Variants in INTS4 observed in about 807,000 individuals in gnomAD.
INTS4 encodes the protein MSTP093.
Under a neutral mutation model 119.5 loss-of-function variants are expected in INTS4, and 70 were observed. The ratio of observed to expected loss-of-function variants is 0.59; its 90% CI spans 0.48 to 0.71. The LOEUF is 0.71. INTS4 is among the 30% of genes least tolerant of loss of function. The pLI is 0.00. For missense variants in INTS4, 867 were observed against 1,173.2 expected (o/e 0.74, Z 3.81); for synonymous variants, 316 against 419.6 (o/e 0.75, Z 3.02).
chr11:77,930,558 G>A (rs1953621071), intron 10 of INTS4, among the ~76,000 whole-genome samples: 1 of 152,218 alleles, frequency 6.6e-6, no homozygotes, highest in Non-Finnish European at 1.5e-5. Flanking sequence ...CTTCTGATCA[G>A]AAAGAGATAA....
At chr11:77,892,936 T>C (rs1392905295) in intron 19 of INTS4, among the ~76,000 whole-genome samples, 1 of 152,176 alleles carries the variant, frequency 6.6e-6, no homozygotes, top group Non-Finnish European at 1.5e-5. Context: ...CTAGAGAGTA[T>C]TACCTGCTGG....
intron 4 of INTS4, among the ~76,000 whole-genome samples, chr11:77,967,815 G>A (rs996306481): frequency 9.9e-5 from 15 of 152,248 alleles, no homozygotes; most frequent in African/African-American, 3.1e-4. Flanking sequence ...GACAAAGAAA[G>A]GTTGAGTGAC....
At position 77,955,933 on chromosome 11, in the gene INTS4, A is replaced by G; in HGVS notation, c.918+9T>C. On this transcript the variant is annotated intron_variant, in intron 8 of 22. Coordinates refer to ENST00000534064, the MANE Select transcript of INTS4 (RefSeq NM_033547.4). Reference sequence around the variant, plus strand: ...ATGCATACATACATACATAAAAAGTATAACTTACCAACAGTTTTGCTGCCT... The same window carrying G: ...ATGCATACATACATACATAAAAAGTGTAACTTACCAACAGTTTTGCTGCCT... The G allele has an allele frequency of 6.3e-7, 1 of 1,597,404 alleles. No individual in the cohort carries two copies. Among genetic ancestry groups the G allele is most frequent in the South Asian group, 1.1e-5 (1 of 89,372 alleles).
intron 16 of INTS4, among the ~76,000 whole-genome samples, chr11:77,904,743 TC>T (rs1952889800): frequency 6.6e-6 from 1 of 152,192 alleles, no homozygotes; most frequent in Non-Finnish European, 1.5e-5. Flanking sequence ...TAGATCATAA[TC>T]CCAAAACATA....
chr11:77,882,673 C>T (rs1217253130), intron 22 of INTS4, among the ~76,000 whole-genome samples: 1 of 152,266 alleles, frequency 6.6e-6, no homozygotes, highest in Admixed American at 6.5e-5. Flanking sequence ...GATGCTCCCT[C>T]AACTACACCA....
chr11:77,938,852 T>C (rs1354602279), intron 9 of INTS4, 27 bp from the exon 10 acceptor site: 2 of 1,533,238 alleles, frequency 1.3e-6, no homozygotes, highest in Non-Finnish European at 1.8e-6. Context: ...CAATTACCAA[T>C]TGTAGGAGGT....
chr11:77,890,853 T>A (rs186322502), intron 21 of INTS4, among the ~76,000 whole-genome samples: 260 of 152,344 alleles, frequency 1.7e-3, no homozygotes, highest in Non-Finnish European at 2.1e-3. Flanking sequence ...TTCTCATGTG[T>A]CTCTATTACA....
chr11:77,892,218 A>G (rs1952304405), intron 19 of INTS4, among the ~76,000 whole-genome samples: 1 of 152,216 alleles, frequency 6.6e-6, no homozygotes, highest in Admixed American at 6.5e-5. Context: ...AAACACAGTG[A>G]ACGGAAGAGA....
chr11:77,939,848 CAAAAA>C (rs544496333), intron 9 of INTS4, among the ~76,000 whole-genome samples: 37 of 142,838 alleles, frequency 2.6e-4, no homozygotes, highest in Non-Finnish European at 5.1e-4. Flanking sequence ...CTGTCTCAAA[CAAAAA>C]AAAAAAACAA....
At chr11:77,992,985 G>T (rs756951562) in intron 1 of INTS4, among the ~76,000 whole-genome samples, 1 of 152,150 alleles carries the variant, frequency 6.6e-6, no homozygotes, top group Non-Finnish European at 1.5e-5. Flanking sequence ...AAAATTCTTA[G>T]CCATTTCTAT....
chr11:77,952,184 G>C lies in INTS4; in HGVS notation c.918+3758C>G, dbSNP rs373332535. Among the ~76,000 whole-genome samples, 97 of 152,292 alleles carry C rather than the reference G, an allele frequency of 6.4e-4. 2 individuals are homozygous for C. The highest frequency in any genetic ancestry group is 2.3e-3 in the African/African-American group (96 of 41,566). The stretch of plus-strand genomic sequence containing the variant: ...TCTACTGGAGAGCTGGAGTAGAGCA[G>C]CTTTACCTCTTAGCTTGCACAGAGA... On this transcript the variant is annotated intron_variant, in intron 8 of 22. Coordinates refer to ENST00000534064, the MANE Select transcript of INTS4 (RefSeq NM_033547.4).
chr11:77,901,255 C>T, intron 18 of INTS4, 166 bp downstream of exon 18: 1 of 779,258 alleles, frequency 1.3e-6, no homozygotes, highest in Non-Finnish European at 2.2e-6. Context: ...TCTGATCCAA[C>T]AACAGAATTT....
At position 77,979,605 on chromosome 11, in the gene INTS4, A is replaced by G. The variant is rs149411595; in HGVS notation, c.365-503T>C. On this transcript the variant is annotated intron_variant, in intron 3 of 22. Coordinates refer to ENST00000534064, the MANE Select transcript of INTS4 (RefSeq NM_033547.4). ...CTGAGTCCTCCACGGGATAGAGTACAGTTCTATATACATAGTGTGCTCCAA... is the reference window on the plus strand; with the variant it reads ...CTGAGTCCTCCACGGGATAGAGTACGGTTCTATATACATAGTGTGCTCCAA... Among the ~76,000 whole-genome samples the G allele has an allele frequency of 7.1e-4, 108 of 151,976 alleles. 2 individuals are homozygous for G. The East Asian group carries it at 0.02, about 28-fold the overall frequency.
At chr11:77,928,752 G>C (rs1312672158) in intron 10 of INTS4, among the ~76,000 whole-genome samples, 1 of 152,208 alleles carries the variant, frequency 6.6e-6, no homozygotes, top group Non-Finnish European at 1.5e-5. Flanking sequence ...GGGAGGCTGA[G>C]AAGGGAGGAT....
chr11:77,961,251 G>A (rs971619197), intron 4 of INTS4, 113 bp from the exon 5 acceptor site: 1 of 1,341,436 alleles, frequency 7.5e-7, no homozygotes, highest in African/African-American at 1.5e-5. Flanking sequence ...CAACCTTAGG[G>A]GTGATTTCAA....
intron 11 of INTS4, 150 bp downstream of exon 11, chr11:77,928,192 A>G: frequency 1.4e-6 from 1 of 724,122 alleles, no homozygotes; most frequent in South Asian, 1.9e-5. Flanking sequence ...TTTCACAGTC[A>G]ATTTCTTCCA....
rs141665294 is a variant in INTS4 at position 77,957,564 on chromosome 11, G to A, written c.797+1182C>T. ...GACCCTGCCTTAAAAAAAAAAGTAC[G>A]TAACCCACCAAAGGTTCAAAGATTT... On this transcript the variant is annotated intron_variant, in intron 7 of 22. Coordinates refer to ENST00000534064, the MANE Select transcript of INTS4 (RefSeq NM_033547.4). 3.2e-3 allele frequency among the ~76,000 whole-genome samples: 486 copies of A among 149,854 alleles called. 3 individuals carry two copies. Among genetic ancestry groups the A allele is most frequent in the African/African-American group, 0.011 (463 of 40,812 alleles).
chr11:77,881,248 G>T (rs974749044), intron 22 of INTS4, among the ~76,000 whole-genome samples: 1 of 152,134 alleles, frequency 6.6e-6, no homozygotes, highest in Non-Finnish European at 1.5e-5. Context: ...ACTTTCTCAG[G>T]ATCACACAGC....
At chr11:77,907,590 T>TA in intron 16 of INTS4, 127 bp downstream of exon 16, 1 of 657,062 alleles carries the variant, frequency 1.5e-6, no homozygotes, top group South Asian at 1.9e-5. Context: ...GCAGAGTACA[T>TA]ATTTCTCCAT....
Sources: gnomAD v4.1 joint callset for allele counts (sites outside exome capture counted in the v4.1 genomes callset) on GRCh38, gnomAD v4.1.1 for gene constraint, MANE v1.5 for transcripts, NCBI Gene and HGNC (gene_info 2026-07-23, HGNC 2026-07-21) for gene names.